The following FRMD4B variants were observed in gnomAD, a reference collection of about 807,000 sequenced individuals.
FRMD4B encodes FERM domain-containing protein 4B.
FRMD4B carries 74 observed loss-of-function variants against 141.5 expected under a neutral mutation model. That is an observed-to-expected ratio of 0.52 (90% CI 0.43 to 0.63). FRMD4B has a LOEUF of 0.63. Ranked by LOEUF, FRMD4B falls within the 30% of genes least tolerant of loss-of-function variation. FRMD4B has a pLI of 0.00. For missense variants in FRMD4B, 1,366 were observed against 1,253.4 expected (o/e 1.09, Z -1.36); for synonymous variants, 506 against 467.9 (o/e 1.08, Z -1.05).
chr3:69,445,649 C>T (rs914110982), intron 1 of FRMD4B, among the ~76,000 whole-genome samples: 1 of 152,186 alleles, frequency 6.6e-6, no homozygotes, highest in Non-Finnish European at 1.5e-5. Context: ...CCTTTTCCCA[C>T]CTTACTGGGT....
chr3:69,435,167 A>G (rs971662461), intron 1 of FRMD4B, among the ~76,000 whole-genome samples: 8 of 152,116 alleles, frequency 5.3e-5, no homozygotes, highest in Non-Finnish European at 1.0e-4. Flanking sequence ...CACTATATCA[A>G]TCTAAGGGCT....
rs1470366964 is a variant in FRMD4B, at chr3:69,171,130, T to A, written c.*731A>T. 1 of 152,236 alleles carries A rather than the reference T, an allele frequency of 6.6e-6. No homozygotes were observed. Among genetic ancestry groups the A allele is most frequent in the African/African-American group, 2.4e-5 (1 of 41,456 alleles). The allele number at this position is 152,236 out of a possible 1,614,324, so 9.4% of individuals were successfully genotyped here. A position where few individuals can be genotyped will look rare whatever the true frequency, so the allele number is the denominator to read the frequency against. On this transcript the variant is annotated 3_prime_UTR_variant, in exon 23 of 23. Transcript: ENST00000398540. ...AGCTCCATGATATTGTACCTTAGAA[T>A]GTTCTCCAAGCAGACTTTGTCAATT...
chr3:69,196,481 A>G, intron 13 of FRMD4B, 85 bp from the exon 14 acceptor site: 1 of 1,025,282 alleles, frequency 9.8e-7, no homozygotes. Flanking sequence ...CAATAAAAAT[A>G]GCAACACAGA....
At chr3:69,382,041 TTTTA>T (rs1328756105) in intron 1 of FRMD4B, among the ~76,000 whole-genome samples, 2 of 152,162 alleles carry the variant, frequency 1.3e-5, no homozygotes, top group Non-Finnish European at 2.9e-5. Flanking sequence ...TTTTATTTCA[TTTTA>T]TTTATTTATT....
chr3:69,451,029 C>G (rs1705488937), intron 1 of FRMD4B, among the ~76,000 whole-genome samples: 1 of 152,172 alleles, frequency 6.6e-6, no homozygotes, highest in Admixed American at 6.5e-5. Context: ...CGGCCATATC[C>G]TAATGATGAC....
chr3:69,395,088 C>T (rs555461014), intron 2 of FRMD4B, among the ~76,000 whole-genome samples: 35 of 152,122 alleles, frequency 2.3e-4, no homozygotes, highest in Middle Eastern at 6.8e-3. Flanking sequence ...ACCTAGATGA[C>T]GGGTTGATAG....
At chr3:69,352,253 CTG>C (rs1243625185) in intron 1 of FRMD4B, among the ~76,000 whole-genome samples, 6 of 152,164 alleles carry the variant, frequency 3.9e-5, no homozygotes, top group African/African-American at 1.4e-4. Context: ...TAATGTCACT[CTG>C]AGAATCCAGG....
intron 1 of FRMD4B, among the ~76,000 whole-genome samples, chr3:69,495,741 C>T (rs1439168808): frequency 6.6e-6 from 1 of 152,076 alleles, no homozygotes; most frequent in African/African-American, 2.4e-5. Flanking sequence ...GTGTTACTTT[C>T]AGTAACACAA....
chr3:69,255,247 A>C (rs1020234828), intron 5 of FRMD4B, among the ~76,000 whole-genome samples: 1 of 152,346 alleles, frequency 6.6e-6, no homozygotes, highest in Non-Finnish European at 1.5e-5. Flanking sequence ...CAAGTGGGTC[A>C]AAAAATTTAC....
intron 1 of FRMD4B, among the ~76,000 whole-genome samples, chr3:69,502,471 C>G (rs1241636784): frequency 3.3e-5 from 5 of 152,274 alleles, no homozygotes; most frequent in Non-Finnish European, 5.9e-5. Flanking sequence ...GGAAAACTGG[C>G]TAGCCATATG....
intron 5 of FRMD4B, among the ~76,000 whole-genome samples, chr3:69,251,812 C>T (rs2093465143): frequency 1.3e-5 from 2 of 152,150 alleles, no homozygotes; most frequent in African/African-American, 2.4e-5. Context: ...GATGATGAGG[C>T]GGTTCATCCA....
intron 11 of FRMD4B, among the ~76,000 whole-genome samples, chr3:69,215,840 C>G (rs900014875): frequency 5.3e-5 from 8 of 152,156 alleles, no homozygotes; most frequent in African/African-American, 1.9e-4. Flanking sequence ...TGGCATCATC[C>G]TGTTCATACT....
chr3:69,528,290 T>TCTTCCTTC (rs112618879), intron 1 of FRMD4B, among the ~76,000 whole-genome samples: 1 of 148,704 alleles, frequency 6.7e-6, no homozygotes, highest in Admixed American at 6.7e-5. Flanking sequence ...TCCTTCCTTT[T>TCTTCCTTC]CTTCCTTCCT....
chr3:69,196,686 T>A (rs1391375015), intron 13 of FRMD4B: 8 of 577,572 alleles, frequency 1.4e-5, no homozygotes, highest in Non-Finnish European at 2.4e-5. Flanking sequence ...CAAACGTGCA[T>A]GCCAAAAAGT....
chr3:69,378,789 T>C (rs1704039646), intron 1 of FRMD4B, among the ~76,000 whole-genome samples: 2 of 151,726 alleles, frequency 1.3e-5, no homozygotes, highest in Non-Finnish European at 2.9e-5. Context: ...TGTCTTTGTC[T>C]CTCTACTCAT....
chr3:69,185,204 G>A (rs1317195109), intron 19 of FRMD4B, among the ~76,000 whole-genome samples: 1 of 151,708 alleles, frequency 6.6e-6, no homozygotes, highest in African/African-American at 2.4e-5. Flanking sequence ...AGGAGGTTGA[G>A]GCAGGAGAAT....
chr3:69,508,859 T>C (rs1706641421), intron 1 of FRMD4B, among the ~76,000 whole-genome samples: 1 of 152,216 alleles, frequency 6.6e-6, no homozygotes. Flanking sequence ...ACAAGGTGGG[T>C]ACTGCTGTTG....
At position 69,474,673 on chromosome 3, in the gene FRMD4B, T is replaced by A. The variant is rs538838224; in HGVS notation, c.-128-41912A>T. ...AGATATGTTCCAATACCTTGATTGC[T>A]TTAAACACTGGAGCATTGCTGCCGA... On this transcript the variant is annotated intron_variant, in intron 1 of 5. Transcript: ENST00000459638. 2.6e-5 allele frequency among the ~76,000 whole-genome samples: 4 copies of A among 151,400 alleles called. No individual in the cohort carries two copies. The South Asian group carries it at 8.4e-4, about 32-fold the overall frequency.
chr3:69,493,477 C>T (rs1706335841), intron 1 of FRMD4B, among the ~76,000 whole-genome samples: 1 of 152,128 alleles, frequency 6.6e-6, no homozygotes, highest in Non-Finnish European at 1.5e-5. Flanking sequence ...TGCATTTAGA[C>T]CAGGTCTGGC....
Sources: allele counts gnomAD v4.1 joint callset (sites outside exome capture counted in the v4.1 genomes callset), GRCh38; gene constraint gnomAD v4.1.1; transcripts MANE v1.5; gene names NCBI Gene and HGNC (gene_info 2026-07-23, HGNC 2026-07-21).